Variants in TRIO observed in about 807,000 individuals in gnomAD.
The protein encoded by TRIO is trio Rho guanine nucleotide exchange factor.
In TRIO, 58 loss-of-function variants were observed where a neutral mutation model predicts 351.9. The ratio of observed to expected loss-of-function variants is 0.16; its 90% CI spans 0.13 to 0.21. TRIO has a LOEUF of 0.21. Among genes scored for constraint, TRIO ranks in the 10% least tolerant of loss-of-function variants. The pLI is 1.00. For synonymous variants in TRIO, 1,758 were observed against 1,595.7 expected (o/e 1.10, Z -2.42); for missense variants, 3,201 against 4,027.8 (o/e 0.79, Z 5.56).
At chr5:14,507,037 G>A in intron 55 of TRIO, 85 bp from the exon 56 acceptor site, 2 of 1,466,276 alleles carry the variant, frequency 1.4e-6, no homozygotes, top group Non-Finnish European at 9.0e-7. Flanking sequence ...ACAGGTGACA[G>A]GTCCGACATG....
Position 14,280,317 on chromosome 5 carries a change from T to C in TRIO, c.233-5T>C. On this transcript the variant is annotated splice_region_variant and splice_polypyrimidine_tract_variant and intron_variant, in intron 2 of 56. Transcript: ENST00000344204. ...CTAAGTGTATTCCTAATGTTTGTTT[T>C]TTAGGTGGGAGAGATAAACGTGGAG... 1 of 1,613,646 alleles carries C rather than the reference T, an allele frequency of 6.2e-7. No homozygotes were observed. The highest frequency in any genetic ancestry group is 8.5e-7 in the Non-Finnish European group (1 of 1,179,514).
intron 10 of TRIO, among the ~76,000 whole-genome samples, chr5:14,333,611 A>G (rs925198729): frequency 2.0e-5 from 3 of 152,136 alleles, no homozygotes; most frequent in African/African-American, 7.2e-5. Context: ...TCTTTTTCCT[A>G]TCTGTTCTAA....
intron 1 of TRIO, among the ~76,000 whole-genome samples, chr5:14,224,052 T>G (rs920836637): frequency 6.6e-6 from 1 of 152,198 alleles, no homozygotes; most frequent in South Asian, 2.1e-4. Flanking sequence ...GCAGCCATAG[T>G]TTTTGATATA....
chr5:14,306,734 GCCAGTGTCATCCTCCAGCCAAGCTGGCT>G (rs1346827117), intron 8 of TRIO, among the ~76,000 whole-genome samples: 1 of 152,182 alleles, frequency 6.6e-6, no homozygotes, highest in African/African-American at 2.4e-5. Flanking sequence ...CCTTGACCCA[GCCAGTGTCATCCTCCAGCCAAGCTGGCT>G]CTTTCAGTCT....
intron 37 of TRIO, among the ~76,000 whole-genome samples, chr5:14,468,037 C>T (rs1336802535): frequency 6.6e-6 from 1 of 152,024 alleles, no homozygotes; most frequent in African/African-American, 2.4e-5. Flanking sequence ...AAATGGTTTC[C>T]CAGGGAACGC....
chr5:14,243,991 G>C (rs1794286021), intron 1 of TRIO, among the ~76,000 whole-genome samples: 1 of 152,208 alleles, frequency 6.6e-6, no homozygotes, highest in Admixed American at 6.5e-5. Flanking sequence ...AGGTCCTGCA[G>C]CCAGGACCTG....
At chr5:14,505,171 A>G (rs1350949609) in intron 55 of TRIO, among the ~76,000 whole-genome samples, 1 of 152,252 alleles carries the variant, frequency 6.6e-6, no homozygotes, top group African/African-American at 2.4e-5. Context: ...AGTCACGTCA[A>G]GAAAAGAGTT....
rs371730926 is a variant in TRIO, at chr5:14,399,104, G to C, written c.4614+34G>C. ...AGGCGTTCAGAATTGTAAGTCTAAAGGTAACACAATTGCAGTCTTTTTGTA... is the reference window on the plus strand; with the variant it reads ...AGGCGTTCAGAATTGTAAGTCTAAACGTAACACAATTGCAGTCTTTTTGTA... On this transcript the variant is annotated intron_variant, in intron 30 of 56. Transcript: ENST00000344204. 5 of 1,585,688 alleles carry C rather than the reference G, an allele frequency of 3.2e-6. No homozygotes were observed. In the African/African-American group the frequency reaches 4.0e-5, roughly 13 times the overall value.
intron 1 of TRIO, among the ~76,000 whole-genome samples, chr5:14,230,442 C>T (rs1020989862): frequency 6.6e-6 from 1 of 151,784 alleles, no homozygotes; most frequent in Non-Finnish European, 1.5e-5. Context: ...TGCAGATACC[C>T]CCACAGATTT....
At chr5:14,491,656 CTG>C (rs1176164366) in intron 48 of TRIO, among the ~76,000 whole-genome samples, 3 of 152,222 alleles carry the variant, frequency 2.0e-5, no homozygotes, top group Non-Finnish European at 4.4e-5. Flanking sequence ...TAAGAAATCT[CTG>C]TCTTGCTGTT....
intron 7 of TRIO, among the ~76,000 whole-genome samples, chr5:14,302,163 A>C (rs915025276): frequency 1.1e-4 from 17 of 152,176 alleles, no homozygotes; most frequent in African/African-American, 3.9e-4. Context: ...CAAAAATTGG[A>C]GTCCAATATA....
chr5:14,190,970 G>T (rs966940348), intron 1 of TRIO, among the ~76,000 whole-genome samples: 1 of 150,974 alleles, frequency 6.6e-6, no homozygotes, highest in Non-Finnish European at 1.5e-5. Context: ...TCTCCCCTGA[G>T]ATTGATATGT....
In TRIO at chr5:14,496,935, A is replaced by T. The variant is rs1756934408; in HGVS notation, c.7937A>T (p.Asp2646Val). 3 of 1,614,234 alleles carry T rather than the reference A, an allele frequency of 1.9e-6. No homozygotes were observed. Among genetic ancestry groups the T allele is most frequent in the Non-Finnish European group, 2.5e-6 (3 of 1,180,044 alleles). Residue 2646 changes from aspartate to valine, a missense_variant, in exon 50 of 57, where the codon GAT (aspartate) becomes GTT (valine). Asp to Val is a radical substitution (Grantham distance 152). Transcript: ENST00000344204. ...LRLRKKSEKK[D>V]KDGKREGKLE... ...TTAAGGAAAAAATCTGAGAAAAAAG[A>T]TAAAGACGGCAAAAGGGAAGGCAAG...
At chr5:14,245,826 G>A (rs1238759856) in intron 1 of TRIO, among the ~76,000 whole-genome samples, 2 of 152,242 alleles carry the variant, frequency 1.3e-5, no homozygotes, top group East Asian at 3.8e-4. Context: ...TTTCCGGCCA[G>A]GAATTTGGCC....
At chr5:14,457,307 T>C (rs1001188147) in intron 34 of TRIO, among the ~76,000 whole-genome samples, 14 of 151,274 alleles carry the variant, frequency 9.3e-5, no homozygotes, top group African/African-American at 3.4e-4. Flanking sequence ...TCAATGGCAG[T>C]TGTCACCCAG....
chr5:14,419,946 C>G lies in TRIO; in HGVS notation c.5128C>G (p.Leu1710Val). Residue 1710 changes from leucine (L) to valine (V), a missense_variant, in exon 34 of 57, where the codon CTG (leucine) becomes GTG (valine). Physicochemically the swap from Leu to Val is conservative, Grantham distance 32. Transcript: ENST00000344204. ...TTDRSPAAEGLVPCGSLCIAH... is the reference protein window; with the variant it reads ...TTDRSPAAEGVVPCGSLCIAH... ...TGACCGCTCCCCAGCGGCAGAAGGC[C>G]TGGTCCCCTGTGGTTCACTGTGCAT... is the stretch of plus-strand genomic sequence containing the variant. 6.2e-7 allele frequency: 1 copy of G among 1,614,234 alleles called. No individual in the cohort carries two copies. Among genetic ancestry groups the G allele is most frequent in the Non-Finnish European group, 8.5e-7 (1 of 1,180,018 alleles).
rs777293672 is a variant in TRIO, at chr5:14,363,939, C to A, written c.2587+12C>A. On this transcript the variant is annotated intron_variant, in intron 14 of 56. Transcript: ENST00000344204. ...GGTCCAGGCCTCTGGTAAGAGGGCT[C>A]ACTCCATCTGTGTCCGTTGTGATTT... is the stretch of plus-strand genomic sequence containing the variant. The A allele has an allele frequency of 1.2e-6, 2 of 1,609,012 alleles. No homozygotes were observed. The highest frequency in any genetic ancestry group is 2.2e-5 in the South Asian group (2 of 90,696).
chr5:14,240,746 G>A (rs1211005908), intron 1 of TRIO, among the ~76,000 whole-genome samples: 1 of 152,148 alleles, frequency 6.6e-6, no homozygotes, highest in Non-Finnish European at 1.5e-5. Flanking sequence ...AAGGTGAAAA[G>A]TTCTAAACAA....
chr5:14,196,307 C>G (rs1436389813), intron 1 of TRIO, among the ~76,000 whole-genome samples: 1 of 151,198 alleles, frequency 6.6e-6, no homozygotes, highest in Non-Finnish European at 1.5e-5. Flanking sequence ...CCTGTAATCC[C>G]AGCTACTCGG....
Sources: allele counts gnomAD v4.1 joint callset (sites outside exome capture counted in the v4.1 genomes callset), GRCh38; gene constraint gnomAD v4.1.1; transcripts MANE v1.5; gene names NCBI Gene and HGNC (gene_info 2026-07-23, HGNC 2026-07-21).